SPECC1L: variants seen among roughly 807,000 people sequenced by gnomAD.
The protein encoded by SPECC1L is sperm antigen with calponin homology and coiled-coil domains 1 like.
Under a neutral mutation model 116.8 loss-of-function variants are expected in SPECC1L, and 40 were observed. The ratio of observed to expected loss-of-function variants is 0.34; its 90% CI spans 0.27 to 0.45. SPECC1L has a LOEUF of 0.45. Among genes scored for constraint, SPECC1L ranks in the 20% least tolerant of loss-of-function variants. The pLI, the probability that SPECC1L is intolerant of heterozygous loss-of-function variation, is 1.00. For missense variants in SPECC1L, 1,110 were observed against 1,373.6 expected (o/e 0.81, Z 3.03); for synonymous variants, 504 against 500.6 (o/e 1.01, Z -0.09).
chr22:24,317,455 C>T lies in SPECC1L; in HGVS notation c.308-3833C>T, dbSNP rs1211719310. Among the ~76,000 whole-genome samples, 10 of 129,806 alleles carry T rather than the reference C, an allele frequency of 7.7e-5. 1 individual carries two copies. In the South Asian group the frequency reaches 2.2e-3, roughly 28 times the overall value. The allele number at this position is 129,806 out of a possible 152,430, so 85.2% of individuals were successfully genotyped here. A position where few individuals can be genotyped will look rare whatever the true frequency, so the allele number is the denominator to read the frequency against. On this transcript the variant is annotated intron_variant, in intron 4 of 16. Transcript: ENST00000314328. ...GGCGGGGGGCTGACCCCCCAACCTC[C>T]CGGACGGGGCGGCTGGCTGGGCAGG...
intron 16 of SPECC1L, among the ~76,000 whole-genome samples, chr22:24,413,954 TA>T (rs1319102582): frequency 5.3e-5 from 8 of 152,064 alleles, no homozygotes; most frequent in Non-Finnish European, 8.8e-5. Flanking sequence ...TGTCTCGTGT[TA>T]AAGGCTGTGA....
At chr22:24,407,804 C>T (rs904103580) in intron 14 of SPECC1L, among the ~76,000 whole-genome samples, 10 of 152,148 alleles carry the variant, frequency 6.6e-5, no homozygotes, top group African/African-American at 1.7e-4. Context: ...CTGCAAATTA[C>T]GGAGCAAGTG....
At chr22:24,376,855 A>G (rs532461473) in intron 14 of SPECC1L, among the ~76,000 whole-genome samples, 2 of 151,596 alleles carry the variant, frequency 1.3e-5, no homozygotes, top group African/African-American at 4.8e-5. Flanking sequence ...TTTTATTGAG[A>G]TATGCCACAC....
At position 24,308,844 on chromosome 22, in the gene SPECC1L, T is replaced by A. The variant is rs62233113; in HGVS notation, c.154-4469T>A. ...CCTTGGTTTATATATTCATTTATAT[T>A]ATTGTAAATTCATAGATTCTTAGTG... On this transcript the variant is annotated intron_variant, in intron 3 of 16. Coordinates refer to ENST00000314328, the MANE Select transcript of SPECC1L (RefSeq NM_015330.6). 7.8e-3 allele frequency among the ~76,000 whole-genome samples: 1,184 copies of A among 152,322 alleles called. 10 individuals carry two copies. The highest frequency in any genetic ancestry group is 0.024 in the South Asian group (114 of 4,828).
At chr22:24,394,933 C>T (rs921198994) in intron 14 of SPECC1L, among the ~76,000 whole-genome samples, 7 of 152,070 alleles carry the variant, frequency 4.6e-5, no homozygotes, top group Admixed American at 3.3e-4. Context: ...TGGGCTCAAT[C>T]GACCCTCCCA....
chr22:24,338,509 A>AG, intron 10 of SPECC1L, 32 bp downstream of exon 10: 4 of 1,601,002 alleles, frequency 2.5e-6, no homozygotes, highest in Non-Finnish European at 3.4e-6. Context: ...AGGCTCTTAG[A>AG]GCCTCAGAAT....
chr22:24,306,371 A>G (rs538647217), intron 3 of SPECC1L, among the ~76,000 whole-genome samples: 39 of 147,468 alleles, frequency 2.6e-4, no homozygotes, highest in African/African-American at 9.0e-4. Flanking sequence ...TTAATTTTTA[A>G]TTTTAATTTT....
chr22:24,337,018 G>C (rs577726115), intron 9 of SPECC1L, among the ~76,000 whole-genome samples: 1 of 152,162 alleles, frequency 6.6e-6, no homozygotes, highest in African/African-American at 2.4e-5. Context: ...GGTAGGCAAG[G>C]TTAAGCTGGG....
At chr22:24,354,881 A>T (rs2041498676) in intron 11 of SPECC1L, among the ~76,000 whole-genome samples, 1 of 151,568 alleles carries the variant, frequency 6.6e-6, no homozygotes, top group South Asian at 2.1e-4. Flanking sequence ...CCATCTCATG[A>T]CCTTGTGATT....
chr22:24,334,453 G>T lies in SPECC1L; in HGVS notation c.2440G>T (p.Val814Phe), dbSNP rs139167350. 4 of 1,614,176 alleles carry T rather than the reference G, an allele frequency of 2.5e-6. No homozygotes were observed. The highest frequency in any genetic ancestry group is 2.2e-5 in the East Asian group (1 of 44,878). ...RGRVYNYMNA[V>F]ERDLAALRQG... is the part of the protein sequence containing the mutation. ...CCGGGTATACAATTACATGAATGCC[G>T]TTGAGAGAGATTTGGCAGCCTTAAG... Residue 814 changes from valine (V) to phenylalanine (F), a missense_variant, in exon 9 of 17, where the codon GTT becomes TTT. Around this residue, in one of 4 missense-constraint regions of SPECC1L, gnomAD observed 575 missense variants for 682.4 expected, o/e 0.84. Transcript: ENST00000314328.
chr22:24,330,197 C>T, intron 7 of SPECC1L, 59 bp from the exon 8 acceptor site: 1 of 1,569,414 alleles, frequency 6.4e-7, no homozygotes, highest in Non-Finnish European at 8.7e-7. Context: ...AATTTTATTG[C>T]TTTTAAATAA....
intron 14 of SPECC1L, among the ~76,000 whole-genome samples, chr22:24,409,351 G>A (rs1051646007): frequency 6.6e-6 from 1 of 152,156 alleles, no homozygotes; most frequent in South Asian, 2.1e-4. Context: ...ACATGGTGGT[G>A]GGGAGGTGTT....
chr22:24,350,505 G>T (rs1160671219), intron 11 of SPECC1L, among the ~76,000 whole-genome samples: 1 of 152,258 alleles, frequency 6.6e-6, no homozygotes, highest in East Asian at 1.9e-4. Flanking sequence ...ATTACTATAT[G>T]TGTGAACTTT....
At chr22:24,413,706 T>C (rs2042746255) in intron 16 of SPECC1L, among the ~76,000 whole-genome samples, 1 of 152,194 alleles carries the variant, frequency 6.6e-6, no homozygotes, top group Non-Finnish European at 1.5e-5. Context: ...AGTTCCAATA[T>C]ATAAAAAAAG....
At chr22:24,359,360 C>G (rs1470752382) in intron 11 of SPECC1L, among the ~76,000 whole-genome samples, 2 of 152,154 alleles carry the variant, frequency 1.3e-5, no homozygotes, top group Non-Finnish European at 2.9e-5. Flanking sequence ...CTTCTGCACT[C>G]TCTCTCTCAT....
In SPECC1L at chr22:24,332,252, A is replaced by T. The variant is rs941809651; in HGVS notation, c.2396+1821A>T. On this transcript the variant is annotated intron_variant, in intron 8 of 16. Transcript: ENST00000314328. ...GATTTTGGAAAATTTGTTATTTACC[A>T]TTGGTGAGTTTGGCAGCTTCCCATA... is the stretch of plus-strand genomic sequence containing the variant. Among the ~76,000 whole-genome samples, 5 of 152,218 alleles carry T rather than the reference A, an allele frequency of 3.3e-5. No homozygotes were observed. The East Asian group carries it at 9.6e-4, about 29-fold the overall frequency.
chr22:24,317,137 G>A (rs1156774574), intron 4 of SPECC1L, among the ~76,000 whole-genome samples: 18 of 101,604 alleles, frequency 1.8e-4, no homozygotes, highest in Non-Finnish European at 2.9e-4. Context: ...GCGGGGGGCT[G>A]ACCCCCCTAC....
intron 2 of SPECC1L, among the ~76,000 whole-genome samples, chr22:24,300,197 AT>A (rs745365114): frequency 6.0e-4 from 91 of 151,940 alleles, no homozygotes; most frequent in Non-Finnish European, 1.1e-3. Context: ...TTGTATTCTC[AT>A]TTTTCACCTC....
At position 24,363,195 on chromosome 22, in the gene SPECC1L, T is replaced by C. The variant is rs1170666693; in HGVS notation, c.2744-66T>C. ...TGAAAGGAGTAAAACTCACCTTCTT[T>C]GTACCTTTATTACTTTAAAGTTCAG... On this transcript the variant is annotated intron_variant, in intron 11 of 16. Transcript: ENST00000314328. The C allele has an allele frequency of 3.6e-6, 5 of 1,402,616 alleles. No individual in the cohort carries two copies. In the East Asian group the frequency reaches 9.1e-5, roughly 26 times the overall value. 86.9% of individuals were successfully genotyped at this position (1,402,616 alleles called of 1,614,324 possible). A position where few individuals can be genotyped will look rare whatever the true frequency, so the allele number is the denominator to read the frequency against.
Sources: gnomAD v4.1 joint callset for allele counts (sites outside exome capture counted in the v4.1 genomes callset) on GRCh38, gnomAD v4.1.1 for gene constraint, gnomAD v4.1.1 regional missense constraint, MANE v1.5 for transcripts, NCBI Gene and HGNC (gene_info 2026-07-23, HGNC 2026-07-21) for gene names.